Variants in ZNF536 observed in about 807,000 individuals in gnomAD.
The protein encoded by ZNF536 is zinc finger protein 536.
In ZNF536, 13 loss-of-function variants were observed where a neutral mutation model predicts 84.5. That is an observed-to-expected ratio of 0.15 (90% CI 0.10 to 0.24). The LOEUF is 0.24. ZNF536 is among the 10% of genes least tolerant of loss of function. The probability of loss-of-function intolerance (pLI) is 1.00; values close to 1 mark genes in which losing one functional copy is unlikely to be tolerated. For synonymous variants in ZNF536, 811 were observed against 742.5 expected (o/e 1.09, Z -1.50); for missense variants, 1,536 against 1,747.5 (o/e 0.88, Z 2.16).
intron 3 of ZNF536, among the ~76,000 whole-genome samples, chr19:30,357,163 CA>C (rs1427512945): frequency 6.6e-6 from 1 of 152,270 alleles, no homozygotes; most frequent in South Asian, 2.1e-4. Context: ...TGGGGAAGGA[CA>C]GGGGTAGTAT....
At chr19:30,553,097 G>C (rs1471566691) in intron 4 of ZNF536, among the ~76,000 whole-genome samples, 1 of 152,210 alleles carries the variant, frequency 6.6e-6, no homozygotes, top group Non-Finnish European at 1.5e-5. Context: ...GGGTACTCCA[G>C]TGCCATCGGA....
chr19:30,659,224 G>A (rs2050028387), intron 1 of ZNF536, among the ~76,000 whole-genome samples: 1 of 152,130 alleles, frequency 6.6e-6, no homozygotes, highest in Non-Finnish European at 1.5e-5. Flanking sequence ...TGGCTGGGGA[G>A]GCCTCAAGAA....
chr19:30,383,681 TTCCTTC>T (rs2049126349), intron 1 of ZNF536, among the ~76,000 whole-genome samples: 1 of 12,848 alleles, frequency 7.8e-5, no homozygotes, highest in African/African-American at 3.4e-4. Context: ...TCTTCCTTTC[TTCCTTC>T]CTTTCTTTTC....
chr19:30,658,907 G>A (rs890088376), intron 1 of ZNF536, among the ~76,000 whole-genome samples: 1 of 152,168 alleles, frequency 6.6e-6, no homozygotes, highest in African/African-American at 2.4e-5. Context: ...CTAACATTTG[G>A]CCTAGTTGTT....
At chr19:30,606,231 AT>A (rs529254602) in intron 1 of ZNF536, among the ~76,000 whole-genome samples, 1,607 of 69,818 alleles carry the variant, frequency 0.023, 83 homozygotes, top group Admixed American at 0.14. Context: ...AAATAAAATA[AT>A]AAAATAAAAT....
Position 30,648,990 on chromosome 19 carries a change from A to G in ZNF536, c.170-61767A>G, listed in dbSNP as rs971892828. On this transcript the variant is annotated intron_variant, in intron 1 of 1. Transcript: ENST00000592773. ...TTCTCCGACCACTGTTTCTTCACTG[A>G]AAGAGTCTATAGTCTCTTCACTTCA... Among the ~76,000 whole-genome samples, 6 of 152,254 alleles carry G rather than the reference A, an allele frequency of 3.9e-5. No individual in the cohort carries two copies. In the East Asian group the frequency reaches 1.2e-3, roughly 29 times the overall value.
intron 1 of ZNF536, among the ~76,000 whole-genome samples, chr19:30,418,275 A>G (rs2050815751): frequency 6.6e-6 from 1 of 152,102 alleles, no homozygotes; most frequent in South Asian, 2.1e-4. Flanking sequence ...AAAATGAAGG[A>G]GACATCTGTG....
chr19:30,367,998 T>A (rs2048492916), upstream of ZNF536, among the ~76,000 whole-genome samples: 1 of 152,220 alleles, frequency 6.6e-6, no homozygotes. Context: ...TCCCACCCTG[T>A]GCCTTGGTTC....
intron 2 of ZNF536, among the ~76,000 whole-genome samples, chr19:30,301,345 G>A (rs1420460386): frequency 6.6e-6 from 1 of 152,214 alleles, no homozygotes; most frequent in Non-Finnish European, 1.5e-5. Flanking sequence ...CAGTTATTCT[G>A]TCTGCAAAAT....
chr19:30,651,533 C>A (rs957741979), intron 1 of ZNF536, among the ~76,000 whole-genome samples: 3 of 152,134 alleles, frequency 2.0e-5, no homozygotes, highest in Non-Finnish European at 4.4e-5. Flanking sequence ...GAATAGCATC[C>A]ATTTCATGCT....
chr19:30,299,398 G>A (rs116065149), intron 2 of ZNF536, among the ~76,000 whole-genome samples: 1,976 of 152,210 alleles, frequency 0.013, 43 homozygotes, highest in African/African-American at 0.045. Flanking sequence ...ATTGTCCAGT[G>A]ACTCTTTGAT....
intron 1 of ZNF536, among the ~76,000 whole-genome samples, chr19:30,599,746 C>T (rs1309128897): frequency 6.6e-6 from 1 of 152,116 alleles, no homozygotes; most frequent in Non-Finnish European, 1.5e-5. Flanking sequence ...CAGTCGAGGA[C>T]CTGATGAGGT....
intron 1 of ZNF536, among the ~76,000 whole-genome samples, chr19:30,679,440 GTGAGGC>G (rs2050882413): frequency 1.3e-5 from 2 of 152,238 alleles, no homozygotes; most frequent in Admixed American, 1.3e-4. Context: ...ACCCTAGGGT[GTGAGGC>G]TTTAGCTGCT....
chr19:30,502,000 A>G (rs942697847), intron 2 of ZNF536, among the ~76,000 whole-genome samples: 2 of 152,226 alleles, frequency 1.3e-5, no homozygotes, highest in Admixed American at 1.3e-4. Context: ...GTATTCTGGC[A>G]GGGAAACAAG....
rs563782608 is a variant in ZNF536, at chr19:30,681,756, G to A, written c.170-29001G>A. 2.6e-5 allele frequency among the ~76,000 whole-genome samples: 4 copies of A among 152,334 alleles called. No individual in the cohort carries two copies. The East Asian group carries it at 7.7e-4, about 29-fold the overall frequency. ...TTTGATGGGTCCTAATTACTTAGGAGCAGAAGTGGCTCCAGTCCTCCAGGT... is the reference window on the plus strand; with the variant it reads ...TTTGATGGGTCCTAATTACTTAGGAACAGAAGTGGCTCCAGTCCTCCAGGT... On this transcript the variant is annotated intron_variant, in intron 1 of 1. Transcript: ENST00000592773.
intron 3 of ZNF536, among the ~76,000 whole-genome samples, chr19:30,537,123 G>C (rs1181760701): frequency 6.6e-6 from 1 of 152,218 alleles, no homozygotes. Context: ...TTGTCCAGCT[G>C]TGTCCCCAGC....
chr19:30,656,062 C>G (rs1214763187), intron 1 of ZNF536, among the ~76,000 whole-genome samples: 1 of 151,982 alleles, frequency 6.6e-6, no homozygotes, highest in African/African-American at 2.4e-5. Context: ...CCAACAAACC[C>G]ACTTTCATTG....
chr19:30,641,320 C>T (rs969216133), intron 1 of ZNF536, among the ~76,000 whole-genome samples: 1 of 152,184 alleles, frequency 6.6e-6, no homozygotes, highest in Non-Finnish European at 1.5e-5. Context: ...ACATTGCTTA[C>T]TGCATGAAGA....
At chr19:30,487,106 A>C (rs2054330510) in intron 2 of ZNF536, among the ~76,000 whole-genome samples, 1 of 152,250 alleles carries the variant, frequency 6.6e-6, no homozygotes, top group African/African-American at 2.4e-5. Flanking sequence ...AGATCTGTAG[A>C]AGACAATTTG....
Sources: gnomAD v4.1 joint callset for allele counts (sites outside exome capture counted in the v4.1 genomes callset) on GRCh38, gnomAD v4.1.1 for gene constraint, MANE v1.5 for transcripts, NCBI Gene and HGNC (gene_info 2026-07-23, HGNC 2026-07-21) for gene names.